The following TSHZ3 variants were observed in gnomAD, a reference collection of about 807,000 sequenced individuals.
The protein encoded by TSHZ3 is teashirt zinc finger homeobox 3, also known as teashirt homolog 3.
A neutral mutation model predicts 64.5 loss-of-function variants in TSHZ3; 10 were observed. The ratio of observed to expected loss-of-function variants is 0.16; its 90% confidence interval spans 0.10 to 0.26. The LOEUF is 0.26. Ranked by LOEUF, TSHZ3 falls within the 10% of genes least tolerant of loss-of-function variation. TSHZ3 has a pLI of 1.00. For synonymous variants in TSHZ3, 608 were observed against 593.1 expected, an observed-to-expected ratio of 1.03 and a Z score of -0.36; for missense variants, 1,242 against 1,421.7, an observed-to-expected ratio of 0.87 and a Z score of 2.03.
At chr19:31,151,302 G>A (rs2145093644) in exon 7 of TSHZ3, among the ~76,000 whole-genome samples, 1 of 152,254 alleles carries the variant, frequency 6.6e-6, no homozygotes, top group South Asian at 2.1e-4. Context: ...TCTGAAGAAT[G>A]CTGTACATTC....
At chr19:31,271,092 A>T (rs116929489), downstream of TSHZ3, among the ~76,000 whole-genome samples, 73 of 152,234 alleles carry the variant, frequency 4.8e-4, no homozygotes, top group East Asian at 0.014. Context: ...CTGAGTCATC[A>T]TTAGACTGCC....
At position 31,276,160 on chromosome 19, in the gene TSHZ3, G is replaced by C; in HGVS notation, c.*387C>G. 6.1e-6 allele frequency: 1 copy of C among 163,468 alleles called. No homozygotes were observed. Among genetic ancestry groups the C allele is most frequent in the Non-Finnish European group, 1.3e-5 (1 of 75,646 alleles). The allele number at this position is 163,468 out of a possible 1,614,324, so 10.1% of individuals were successfully genotyped here. On this transcript the variant is annotated 3_prime_UTR_variant, in exon 2 of 2. Coordinates refer to ENST00000240587, the MANE Select transcript of TSHZ3 (RefSeq NM_020856.4). Reference sequence around the variant, plus strand: ...ATGCAAAAGTGCTTCAAAGTACTCAGAGGGCTAAAGATGAAAGGGTGAGAA... The same window carrying C: ...ATGCAAAAGTGCTTCAAAGTACTCACAGGGCTAAAGATGAAAGGGTGAGAA...
chr19:31,269,322 C>T (rs2145204652), intron 1 of TSHZ3, among the ~76,000 whole-genome samples: 1 of 152,292 alleles, frequency 6.6e-6, no homozygotes, highest in South Asian at 2.1e-4. Context: ...CTTTCAGGAG[C>T]CGGGTCCTTC....
At chr19:31,250,737 G>A (rs150129973) in intron 1 of TSHZ3, among the ~76,000 whole-genome samples, 34 of 152,340 alleles carry the variant, frequency 2.2e-4, no homozygotes, top group African/African-American at 8.2e-4. Context: ...CATCTGTGAA[G>A]TGGGGACAAG....
At chr19:31,265,585 C>G (rs1166022265) in intron 1 of TSHZ3, among the ~76,000 whole-genome samples, 1 of 151,994 alleles carries the variant, frequency 6.6e-6, no homozygotes, top group Non-Finnish European at 1.5e-5. Flanking sequence ...CTTTAGCAAA[C>G]TGAGGCCAGA....
chr19:31,275,539 T>C lies in TSHZ3; in HGVS notation c.*1008A>G, dbSNP rs1359496888. ...TTCTAATAAATACCTTTAAAAATCATGTGCAAAATAGTTCTGATGCCTGCC... is the reference window on the plus strand; with the variant it reads ...TTCTAATAAATACCTTTAAAAATCACGTGCAAAATAGTTCTGATGCCTGCC... On this transcript the variant is annotated 3_prime_UTR_variant, in exon 2 of 2. Transcript: ENST00000240587. 1 of 152,548 alleles carries C rather than the reference T, an allele frequency of 6.6e-6. No individual in the cohort carries two copies. The highest frequency in any genetic ancestry group is 1.5e-5 in the Non-Finnish European group (1 of 68,020). The allele number at this position is 152,548 out of a possible 1,614,324, so 9.4% of individuals were successfully genotyped here. A position where few individuals can be genotyped will look rare whatever the true frequency, so the allele number is the denominator to read the frequency against.
At chr19:31,334,847 A>G (rs1917197686) in intron 1 of TSHZ3, among the ~76,000 whole-genome samples, 1 of 152,086 alleles carries the variant, frequency 6.6e-6, no homozygotes, top group Non-Finnish European at 1.5e-5. Context: ...TAACCTGGGG[A>G]CGGAGATGCT....
chr19:31,180,226 T>C (rs1974690459), intron 5 of TSHZ3, among the ~76,000 whole-genome samples: 1 of 152,034 alleles, frequency 6.6e-6, no homozygotes, highest in Non-Finnish European at 1.5e-5. Flanking sequence ...TGATGATTAG[T>C]GAGTGAATGA....
chr19:31,237,345 C>T (rs907292397), intron 3 of TSHZ3, among the ~76,000 whole-genome samples: 1 of 151,948 alleles, frequency 6.6e-6, no homozygotes, highest in Admixed American at 6.6e-5. Flanking sequence ...GATAATATTC[C>T]TCATTATTTC....
At chr19:31,292,037 C>A (rs1976575634) in intron 1 of TSHZ3, among the ~76,000 whole-genome samples, 1 of 152,170 alleles carries the variant, frequency 6.6e-6, no homozygotes, top group East Asian at 1.9e-4. Flanking sequence ...GAGTTCAATA[C>A]ATTTCCAAGC....
At chr19:31,241,769 GA>G (rs1300026573) in intron 3 of TSHZ3, among the ~76,000 whole-genome samples, 1 of 152,232 alleles carries the variant, frequency 6.6e-6, no homozygotes, top group Non-Finnish European at 1.5e-5. Context: ...TGAATGACCA[GA>G]AATCTCCTCA....
chr19:31,197,273 A>G (rs1272332366), intron 5 of TSHZ3, among the ~76,000 whole-genome samples: 1 of 151,960 alleles, frequency 6.6e-6, no homozygotes, highest in Non-Finnish European at 1.5e-5. Flanking sequence ...AAATGAAAAC[A>G]CAACTTATAA....
At chr19:31,232,516 T>C (rs1002219961) in intron 3 of TSHZ3, among the ~76,000 whole-genome samples, 3 of 152,208 alleles carry the variant, frequency 2.0e-5, no homozygotes, top group African/African-American at 7.2e-5. Flanking sequence ...AATTCAAATG[T>C]TTATTTTAAA....
intron 1 of TSHZ3, among the ~76,000 whole-genome samples, chr19:31,294,681 A>T (rs1258138770): frequency 6.6e-6 from 1 of 152,174 alleles, no homozygotes; most frequent in Non-Finnish European, 1.5e-5. Flanking sequence ...TCTCCAACCA[A>T]TATATAATCT....
chr19:31,317,218 A>G (rs1337228022), intron 1 of TSHZ3, among the ~76,000 whole-genome samples: 1 of 151,928 alleles, frequency 6.6e-6, no homozygotes, highest in Admixed American at 6.6e-5. Context: ...CCCCAGCCCC[A>G]GCCAGAGCCA....
At chr19:31,261,046 C>T (rs1975978042) in intron 1 of TSHZ3, among the ~76,000 whole-genome samples, 1 of 152,200 alleles carries the variant, frequency 6.6e-6, no homozygotes, top group African/African-American at 2.4e-5. Flanking sequence ...ACCTTTCAGG[C>T]TGCACTCTTG....
At chr19:31,244,244 TAGTG>T (rs1375248473) in intron 1 of TSHZ3, among the ~76,000 whole-genome samples, 2 of 152,130 alleles carry the variant, frequency 1.3e-5, no homozygotes, top group South Asian at 2.1e-4. Flanking sequence ...GCTCTCTTGA[TAGTG>T]AGTGAGTGAG....
chr19:31,309,991 C>T (rs1916411479), intron 1 of TSHZ3, among the ~76,000 whole-genome samples: 1 of 152,208 alleles, frequency 6.6e-6, no homozygotes, highest in Non-Finnish European at 1.5e-5. Flanking sequence ...TAATAAACAT[C>T]TGCTCAAATT....
intron 1 of TSHZ3, among the ~76,000 whole-genome samples, chr19:31,262,596 G>A (rs1246470478): frequency 6.6e-6 from 1 of 152,028 alleles, no homozygotes; most frequent in East Asian, 1.9e-4. Flanking sequence ...ATATACCGTG[G>A]AGAAATTATT....
Sources: gnomAD v4.1 joint callset for allele counts (sites outside exome capture counted in the v4.1 genomes callset) on GRCh38, gnomAD v4.1.1 for gene constraint, MANE v1.5 for transcripts, NCBI Gene and HGNC (gene_info 2026-07-23, HGNC 2026-07-21) for gene names.